Variants in SNRK observed in about 807,000 individuals in gnomAD.
The protein encoded by SNRK is SNF related kinase, also known as SNF-related serine/threonine-protein kinase.
In SNRK, 3 loss-of-function variants were observed where a neutral mutation model predicts 48.2. The ratio of observed to expected loss-of-function variants is 0.06; its 90% CI spans 0.03 to 0.16. The LOEUF is 0.16. Ranked by LOEUF, SNRK falls within the 10% of genes least tolerant of loss-of-function variation. The pLI, the probability that SNRK is intolerant of heterozygous loss-of-function variation, is 1.00. For synonymous variants in SNRK, 376 were observed against 366.1 expected (o/e 1.03, Z -0.31); for missense variants, 627 against 976.0 (o/e 0.64, Z 4.76).
chr3:43,313,016 C>G (rs532733806), intron 3 of SNRK, among the ~76,000 whole-genome samples: 3 of 152,260 alleles, frequency 2.0e-5, no homozygotes, highest in African/African-American at 7.2e-5. Context: ...CCTATCAAAA[C>G]TCTGCAGGGG....
intron 1 of SNRK, among the ~76,000 whole-genome samples, chr3:43,287,703 A>G (rs554887346): frequency 1.3e-4 from 20 of 152,320 alleles, no homozygotes; most frequent in African/African-American, 4.6e-4. Flanking sequence ...CCAAGTTCCT[A>G]TCAAACATGA....
chr3:43,294,546 C>T (rs964110997), intron 1 of SNRK, among the ~76,000 whole-genome samples: 1 of 152,064 alleles, frequency 6.6e-6, no homozygotes, highest in Non-Finnish European at 1.5e-5. Context: ...GATTTTGGAG[C>T]ATTTTGGATT....
intron 3 of SNRK, among the ~76,000 whole-genome samples, chr3:43,322,324 GA>G (rs1204039762): frequency 1.3e-5 from 2 of 152,170 alleles, no homozygotes. Flanking sequence ...GAATAATTAA[GA>G]ACAAAGTGAA....
At position 43,348,104 on chromosome 3, in the gene SNRK, C is replaced by T. The variant is rs750233067; in HGVS notation, c.1845C>T (p.Asn615=). 7 of 1,587,044 alleles carry T rather than the reference C, an allele frequency of 4.4e-6. No homozygotes were observed. In the Admixed American group the frequency reaches 1.1e-4, roughly 24 times the overall value. Residue 615 remains asparagine, a synonymous_variant, in exon 7 of 7, where the codon AAC becomes AAT. Coordinates refer to ENST00000296088, the MANE Select transcript of SNRK (RefSeq NM_017719.5). ...GTCCCTCCAGCGGCTCGGGTGGCAACCCCACCAATACATCGGGTACCACAC... is the reference window on the plus strand; with the variant it reads ...GTCCCTCCAGCGGCTCGGGTGGCAATCCCACCAATACATCGGGTACCACAC... ...GGSPSSGSGG[N]PTNTSGTTRR... is the part of the protein sequence containing the mutation.
intron 3 of SNRK, among the ~76,000 whole-genome samples, chr3:43,316,892 CT>C (rs2125629431): frequency 6.6e-6 from 1 of 152,238 alleles, no homozygotes; most frequent in South Asian, 2.1e-4. Flanking sequence ...ATTAGTGCCC[CT>C]GGTCCTGTGC....
At chr3:43,315,906 T>C (rs1421440408) in intron 3 of SNRK, among the ~76,000 whole-genome samples, 1 of 152,202 alleles carries the variant, frequency 6.6e-6, no homozygotes, top group African/African-American at 2.4e-5. Flanking sequence ...ACTTGTCATA[T>C]AAAACGAGAA....
rs148434195 is a variant in SNRK at position 43,305,365 on chromosome 3, A to G, written c.589+1573A>G. Reference sequence around the variant, plus strand: ...CAGGGGAATAATTCGTTCAGTATTCATATTCTGTATACGGTGAAAATTAAA... The same window carrying G: ...CAGGGGAATAATTCGTTCAGTATTCGTATTCTGTATACGGTGAAAATTAAA... On this transcript the variant is annotated intron_variant, in intron 3 of 6. Transcript: ENST00000296088. 4.1e-3 allele frequency among the ~76,000 whole-genome samples: 624 copies of G among 152,306 alleles called. 5 individuals carry two copies. The highest frequency in any genetic ancestry group is 0.014 in the African/African-American group (591 of 41,566).
intron 1 of SNRK, among the ~76,000 whole-genome samples, chr3:43,287,011 C>G (rs1284463412): frequency 6.7e-6 from 1 of 149,048 alleles, no homozygotes; most frequent in Non-Finnish European, 1.5e-5. Flanking sequence ...TCGGAAGGCG[C>G]CCGCATCCCC....
At chr3:43,327,392 A>G (rs1345109416) in intron 3 of SNRK, among the ~76,000 whole-genome samples, 1 of 152,238 alleles carries the variant, frequency 6.6e-6, no homozygotes, top group South Asian at 2.1e-4. Context: ...AAGTGATTGC[A>G]TAAATCCTGG....
At chr3:43,334,666 T>C (rs969930052) in intron 4 of SNRK, among the ~76,000 whole-genome samples, 2 of 151,954 alleles carry the variant, frequency 1.3e-5, no homozygotes, top group Non-Finnish European at 2.9e-5. Flanking sequence ...CAGTCTCGGC[T>C]CACTTCAGCC....
chr3:43,337,017 G>C (rs1220137826), intron 4 of SNRK, among the ~76,000 whole-genome samples: 2 of 152,146 alleles, frequency 1.3e-5, no homozygotes, highest in Admixed American at 1.3e-4. Context: ...CTCCCAAAGT[G>C]CTGGGATTAC....
Position 43,348,683 on chromosome 3 carries a change from A to C in SNRK, c.*126A>C. ...AGGAGCAATTATTTATTACCTTTCC[A>C]TTTGTTCGCCTGATGATGTGACAAT... On this transcript the variant is annotated 3_prime_UTR_variant, in exon 7 of 7. Transcript: ENST00000296088. 9.6e-7 allele frequency: 1 copy of C among 1,038,342 alleles called. No individual in the cohort carries two copies. Among genetic ancestry groups the C allele is most frequent in the Non-Finnish European group, 1.3e-6 (1 of 777,136 alleles). The allele number at this position is 1,038,342 out of a possible 1,614,324, so 64.3% of individuals were successfully genotyped here. A position where few individuals can be genotyped will look rare whatever the true frequency, so the allele number is the denominator to read the frequency against.
At chr3:43,345,708 T>TG (rs2091270283) in intron 6 of SNRK, among the ~76,000 whole-genome samples, 1 of 152,142 alleles carries the variant, frequency 6.6e-6, no homozygotes, top group African/African-American at 2.4e-5. Flanking sequence ...AGGTATAAGA[T>TG]GTGGCTTAGC....
Position 43,347,383 on chromosome 3 carries a change from A to G in SNRK, c.1124A>G (p.Asp375Gly). ...ATTGATGTACCCCAGGACCTTGAGGATGACCTCACGGCCACTCCTTTGTCC... is the reference window on the plus strand; with the variant it reads ...ATTGATGTACCCCAGGACCTTGAGGGTGACCTCACGGCCACTCCTTTGTCC... ...TKIDVPQDLE[D>G]DLTATPLSHA... The change falls in exon 7 of 7, where the codon GAT becomes GGT. Residue 375 changes from aspartate to glycine, a missense_variant. Around this residue, in one of 4 missense-constraint regions of SNRK, gnomAD observed 175 missense variants for 209.7 expected, o/e 0.83. Coordinates refer to ENST00000296088, the MANE Select transcript of SNRK (RefSeq NM_017719.5). This position sits in a 1 kb window ranked among gnomAD's most constrained non-coding sequence, Gnocchi z 5.4. The G allele has an allele frequency of 6.2e-7, 1 of 1,605,114 alleles. No individual in the cohort carries two copies. Among genetic ancestry groups the G allele is most frequent in the Non-Finnish European group, 8.5e-7 (1 of 1,175,626 alleles).
intron 3 of SNRK, among the ~76,000 whole-genome samples, chr3:43,330,434 C>G (rs1221400689): frequency 6.6e-6 from 1 of 152,150 alleles, no homozygotes; most frequent in African/African-American, 2.4e-5. Context: ...GTAATTGCCA[C>G]TTGTTCACAG....
chr3:43,321,948 C>T (rs1227931463), intron 3 of SNRK, among the ~76,000 whole-genome samples: 1 of 152,212 alleles, frequency 6.6e-6, no homozygotes, highest in Admixed American at 6.5e-5. Flanking sequence ...TCACCTAGGT[C>T]CCTTCATTGC....
intron 4 of SNRK, among the ~76,000 whole-genome samples, chr3:43,334,278 C>G (rs1302934545): frequency 1.3e-5 from 2 of 152,074 alleles, no homozygotes; most frequent in Non-Finnish European, 2.9e-5. Flanking sequence ...TAGGGAGGCC[C>G]TGTCTCTACT....
chr3:43,337,945 C>G (rs1001216164), intron 4 of SNRK, among the ~76,000 whole-genome samples: 2 of 151,700 alleles, frequency 1.3e-5, no homozygotes, highest in African/African-American at 4.8e-5. Context: ...CAGACAATGT[C>G]TGATATGTTG....
chr3:43,339,222 T>TGAG (rs1466453300), intron 4 of SNRK, among the ~76,000 whole-genome samples: 2 of 152,250 alleles, frequency 1.3e-5, no homozygotes, highest in African/African-American at 4.8e-5. Context: ...CAGACTTGTG[T>TGAG]GAGGACCAGC....
Sources: allele counts gnomAD v4.1 joint callset (sites outside exome capture counted in the v4.1 genomes callset), GRCh38; gene constraint gnomAD v4.1.1; regional missense constraint gnomAD v4.1.1; non-coding constraint Gnocchi (gnomAD v3.1); transcripts MANE v1.5; gene names NCBI Gene and HGNC (gene_info 2026-07-23, HGNC 2026-07-21).